CHST13: variants seen among roughly 807,000 people sequenced by gnomAD.
CHST13 encodes carbohydrate sulfotransferase 13, also known as C4ST-3.
Under a neutral mutation model 7.0 loss-of-function variants are expected in CHST13, and 1 was observed. The observed-to-expected ratio is 0.14, with a 90% CI of 0.05 to 0.68. CHST13 has a LOEUF of 0.68. Ranked by LOEUF, CHST13 falls within the 30% of genes least tolerant of loss-of-function variation. The probability of loss-of-function intolerance (pLI) is 0.82; values close to 1 mark genes in which losing one functional copy is unlikely to be tolerated. For missense variants in CHST13, 572 were observed against 507.9 expected (o/e 1.13, Z -1.21); for synonymous variants, 257 against 240.9 (o/e 1.07, Z -0.62).
intron 1 of CHST13, among the ~76,000 whole-genome samples, chr3:126,528,615 G>A (rs7648094): frequency 0.35 from 53,732 of 151,894 alleles, 9,995 homozygotes; most frequent in African/African-American, 0.47. Flanking sequence ...GGGCCTACCC[G>A]GGGCTGGCCA....
At chr3:126,534,266 T>C (rs909006359) in intron 1 of CHST13, among the ~76,000 whole-genome samples, 7 of 152,214 alleles carry the variant, frequency 4.6e-5, no homozygotes, top group Non-Finnish European at 1.5e-5. Flanking sequence ...TGAGAACATA[T>C]TAATATTAAT....
Position 126,541,876 on chromosome 3 carries a change from C to A in CHST13, c.324C>A (p.Leu108=). 1 of 1,599,132 alleles carries A rather than the reference C, an allele frequency of 6.3e-7. No homozygotes were observed. The highest frequency in any genetic ancestry group is 2.3e-5 in the East Asian group (1 of 44,018). ...TGGTGGACGACGCGCATGGCCTGCT[C>A]TACTGCTACGTGCCCAAGGTGGCCT... ...HVLVDDAHGL[L]YCYVPKVACT... The change falls in exon 3 of 3, where the codon CTC becomes CTA. Residue 108 remains leucine, a synonymous_variant. Coordinates refer to ENST00000319340, the MANE Select transcript of CHST13 (RefSeq NM_152889.3).
At chr3:126,538,557 G>A (rs769395841) in intron 2 of CHST13, among the ~76,000 whole-genome samples, 12 of 152,238 alleles carry the variant, frequency 7.9e-5, no homozygotes, top group Non-Finnish European at 1.2e-4. Context: ...AGCCGGGGTC[G>A]GCCAGCAAGG....
chr3:126,534,785 G>A (rs965513816), intron 1 of CHST13, among the ~76,000 whole-genome samples: 8 of 149,592 alleles, frequency 5.3e-5, no homozygotes, highest in African/African-American at 1.7e-4. Flanking sequence ...TCCTCAGCCA[G>A]GAGAAAAACA....
intron 2 of CHST13, among the ~76,000 whole-genome samples, chr3:126,538,172 A>G (rs578038508): frequency 4.6e-5 from 7 of 152,356 alleles, no homozygotes; most frequent in African/African-American, 1.7e-4. Flanking sequence ...GCTTCCAGCC[A>G]TGAGGAGAGT....
chr3:126,533,472 A>G (rs762077991), intron 1 of CHST13, among the ~76,000 whole-genome samples: 38 of 152,166 alleles, frequency 2.5e-4, no homozygotes, highest in Admixed American at 5.2e-4. Context: ...TTCTGCATTT[A>G]TTGATGAGCA....
At chr3:126,531,844 C>T (rs1161803438) in intron 1 of CHST13, among the ~76,000 whole-genome samples, 1 of 152,216 alleles carries the variant, frequency 6.6e-6, no homozygotes, top group Admixed American at 6.5e-5. Context: ...TGCTGGGTTG[C>T]ATGGTAATTC....
intron 2 of CHST13, among the ~76,000 whole-genome samples, chr3:126,537,403 G>A (rs959573174): frequency 6.6e-6 from 1 of 152,228 alleles, no homozygotes; most frequent in African/African-American, 2.4e-5. Flanking sequence ...AAGCAAGGAA[G>A]GACAGCATCA....
At chr3:126,539,286 T>A (rs887350800) in intron 2 of CHST13, among the ~76,000 whole-genome samples, 6 of 152,144 alleles carry the variant, frequency 3.9e-5, no homozygotes, top group Admixed American at 1.3e-4. Flanking sequence ...CCACCCTTTG[T>A]GAAACGTTTT....
At chr3:126,539,940 G>T (rs1230708182) in intron 2 of CHST13, among the ~76,000 whole-genome samples, 1 of 7,906 alleles carries the variant, frequency 1.3e-4, no homozygotes, top group Non-Finnish European at 3.2e-4. Flanking sequence ...CGCCACACAT[G>T]CCACACCTGC....
intron 1 of CHST13, among the ~76,000 whole-genome samples, chr3:126,534,666 C>T (rs1936727176): frequency 6.7e-6 from 1 of 149,326 alleles, no homozygotes; most frequent in Non-Finnish European, 1.5e-5. Context: ...GACAGCATTG[C>T]TGTCCTCAGC....
rs1343603132 is a variant in CHST13 at position 126,542,464 on chromosome 3, A to C, written c.912A>C (p.Ala304=). ...GAGCCGCCGCCTCCCGCGACCTGGC[A>C]GCGCGCCTCTTCCGGGACATCAGCC... The part of the protein sequence containing the change: ...PRGAAASRDL[A]ARLFRDISPF... Residue 304 remains alanine, a synonymous_variant, in exon 3 of 3, where the codon GCA becomes GCC. Coordinates refer to ENST00000319340, the MANE Select transcript of CHST13 (RefSeq NM_152889.3). 1 of 1,574,924 alleles carries C rather than the reference A, an allele frequency of 6.3e-7. No homozygotes were observed. The highest frequency in any genetic ancestry group is 8.6e-7 in the Non-Finnish European group (1 of 1,163,336).
At chr3:126,538,259 G>A (rs1046594292) in intron 2 of CHST13, among the ~76,000 whole-genome samples, 10 of 152,240 alleles carry the variant, frequency 6.6e-5, no homozygotes, top group Non-Finnish European at 1.0e-4. Context: ...ATCGTCCTCC[G>A]GATGTTGACT....
rs951281206 is a variant in CHST13, at chr3:126,541,911, G to A, written c.359G>A (p.Trp120Ter). The change falls in exon 3 of 3, where the codon TGG becomes TAG. Residue 120 changes from tryptophan (W) to a stop codon, truncating the protein, a stop_gained. Transcript: ENST00000319340. LOFTEE classifies it low-confidence loss of function (END_TRUNC). ...CYVPKVACTN[W>*]KRVLLALSGQ... ...GTGCCCAAGGTGGCCTGCACCAACT[G>A]GAAGCGCGTGCTGCTGGCGCTGAGC... The A allele has an allele frequency of 2.8e-5, 44 of 1,599,712 alleles. No homozygotes were observed. Among genetic ancestry groups the A allele is most frequent in the East Asian group, 2.3e-4 (10 of 44,048 alleles).
Position 126,542,174 on chromosome 3 carries a change from C to T in CHST13, c.622C>T (p.Leu208=). The T allele has an allele frequency of 6.8e-7, 1 of 1,467,054 alleles. No individual in the cohort carries two copies. Among genetic ancestry groups the T allele is most frequent in the Non-Finnish European group, 9.0e-7 (1 of 1,116,840 alleles). 90.9% of individuals were successfully genotyped at this position (1,467,054 alleles called of 1,614,324 possible). The change falls in exon 3 of 3, where the codon CTG becomes TTG. Residue 208 remains leucine (L), a synonymous_variant. Coordinates refer to ENST00000319340, the MANE Select transcript of CHST13 (RefSeq NM_152889.3). The part of the protein sequence containing the change: ...RRYGARIVQR[L]RPRALPDARA... ...CTACGGTGCACGCATCGTTCAGCGCCTGCGGCCGCGCGCGCTCCCCGACGC... is the reference window on the plus strand; with the variant it reads ...CTACGGTGCACGCATCGTTCAGCGCTTGCGGCCGCGCGCGCTCCCCGACGC...
intron 2 of CHST13, among the ~76,000 whole-genome samples, chr3:126,538,916 G>T (rs952898331): frequency 1.3e-5 from 2 of 152,102 alleles, no homozygotes; most frequent in Non-Finnish European, 2.9e-5. Context: ...CACTACAGAA[G>T]GGTAGACACA....
Position 126,524,259 on chromosome 3 carries a change from C to G in CHST13, c.-74C>G, listed in dbSNP as rs1936490479. ...TTGGTAGGCGCTGCGCTGCCGGGGC[C>G]GGGTCCTGGGCCAGTGCAACTCCGC... On this transcript the variant is annotated 5_prime_UTR_variant, in exon 1 of 3. Coordinates refer to ENST00000319340, the MANE Select transcript of CHST13 (RefSeq NM_152889.3). The G allele has an allele frequency of 2.6e-6, 3 of 1,144,850 alleles. No homozygotes were observed. Among genetic ancestry groups the G allele is most frequent in the Non-Finnish European group, 3.3e-6 (3 of 916,796 alleles). The allele number at this position is 1,144,850 out of a possible 1,614,324, so 70.9% of individuals were successfully genotyped here.
chr3:126,525,300 A>T (rs939069743), intron 1 of CHST13, among the ~76,000 whole-genome samples: 2 of 152,150 alleles, frequency 1.3e-5, no homozygotes, highest in African/African-American at 4.8e-5. Context: ...GGAACCTGGC[A>T]GACACAGTCC....
At chr3:126,529,623 G>A (rs1315949322) in intron 1 of CHST13, among the ~76,000 whole-genome samples, 1 of 152,124 alleles carries the variant, frequency 6.6e-6, no homozygotes. Context: ...CCGGCACTGT[G>A]CTGGGGCCTG....
Sources: gnomAD v4.1 joint callset for allele counts (sites outside exome capture counted in the v4.1 genomes callset) on GRCh38, gnomAD v4.1.1 for gene constraint, MANE v1.5 for transcripts, NCBI Gene and HGNC (gene_info 2026-07-23, HGNC 2026-07-21) for gene names.